Variants in MRM1 observed in about 807,000 individuals in gnomAD.
The protein encoded by MRM1 is rRNA methyltransferase 1, mitochondrial.
MRM1 carries 24 observed loss-of-function variants against 25.0 expected under a neutral mutation model. The observed-to-expected ratio is 0.96, with a 90% CI of 0.69 to 1.35. The LOEUF is 1.35. MRM1 is among the 40% of genes most tolerant of loss of function. MRM1 has a pLI of 0.00. For missense variants in MRM1, 431 were observed against 464.1 expected (o/e 0.93, Z 0.65); for synonymous variants, 188 against 199.2 (o/e 0.94, Z 0.47).
In MRM1 at chr17:36,604,778, C is replaced by A. The variant is rs142385842; in HGVS notation, c.636+2132C>A. On this transcript the variant is annotated intron_variant, in intron 2 of 4. Coordinates refer to ENST00000614766, the MANE Select transcript of MRM1 (RefSeq NM_024864.5). ...CCGAGATTGTGCCACTGCACTCCAG[C>A]CTGAGTGACAGAGTGACGTGTCAAA... Among the ~76,000 whole-genome samples, 876 of 151,118 alleles carry A rather than the reference C, an allele frequency of 5.8e-3. 5 individuals carry two copies. The highest frequency in any genetic ancestry group is 0.02 in the African/African-American group (841 of 41,078).
the MRM1 span, among the ~76,000 whole-genome samples, chr17:36,615,563 G>A: frequency 6.6e-6 from 1 of 152,098 alleles, no homozygotes; most frequent in South Asian, 2.1e-4. Flanking sequence ...GGAGGCTGAG[G>A]CAGGAGAATC....
the MRM1 span, among the ~76,000 whole-genome samples, chr17:36,622,153 G>A: frequency 6.6e-6 from 1 of 152,156 alleles, no homozygotes; most frequent in Non-Finnish European, 1.5e-5. Context: ...GGGGCCAGAG[G>A]CTGGGCTGGG....
At chr17:36,623,194 C>T in the MRM1 span, among the ~76,000 whole-genome samples, 19 of 152,276 alleles carry the variant, frequency 1.2e-4, no homozygotes, top group Admixed American at 9.2e-4. Context: ...AGCAGCCCTT[C>T]GGATTCCAGG....
At chr17:36,629,020 G>A in the MRM1 span, among the ~76,000 whole-genome samples, 195 of 152,222 alleles carry the variant, frequency 1.3e-3, 2 homozygotes, top group East Asian at 0.018. Context: ...TCATGCACAC[G>A]GTGGGGCCTC....
At chr17:36,628,092 T>C in the MRM1 span, among the ~76,000 whole-genome samples, 6 of 152,356 alleles carry the variant, frequency 3.9e-5, no homozygotes, top group South Asian at 4.1e-4. Flanking sequence ...ATGCCCTCTC[T>C]CTAATCCCTT....
intron 2 of MRM1, among the ~76,000 whole-genome samples, chr17:36,604,472 C>T (rs1469313435): frequency 6.6e-6 from 1 of 152,146 alleles, no homozygotes; most frequent in Non-Finnish European, 1.5e-5. Flanking sequence ...ATTAGCATTT[C>T]CCAGATTTTA....
At chr17:36,613,627 G>A (rs997516183), downstream of MRM1, among the ~76,000 whole-genome samples, 4 of 152,182 alleles carry the variant, frequency 2.6e-5, no homozygotes, top group East Asian at 3.9e-4. Context: ...ATGTGGAAGC[G>A]GAGAGCAGGG....
At chr17:36,624,824 G>A in the MRM1 span, among the ~76,000 whole-genome samples, 2 of 152,150 alleles carry the variant, frequency 1.3e-5, no homozygotes, top group Middle Eastern at 3.2e-3. This position sits in a 1 kb window ranked among gnomAD's most constrained non-coding sequence, Gnocchi z 4.0. Flanking sequence ...CGCAGGAAAC[G>A]GCTAGGAACT....
rs2074881396 is a variant in MRM1, at chr17:36,602,221, G to A, written c.411G>A (p.Ala137=). The A allele has an allele frequency of 6.2e-7, 1 of 1,610,510 alleles. No individual in the cohort carries two copies. Among genetic ancestry groups the A allele is most frequent in the Non-Finnish European group, 8.5e-7 (1 of 1,177,952 alleles). The stretch of plus-strand genomic sequence containing the variant: ...GGCCTTGGAGAGAGGCCGGGGAGGC[G>A]AGCCCAGGCGACGACCCCCAGCAGT... ...RPRPWREAGE[A]SPGDDPQQLW... is the part of the protein sequence containing the mutation. Residue 137 remains alanine, a synonymous_variant, in exon 1 of 5, where the codon GCG becomes GCA. Coordinates refer to ENST00000614766, the MANE Select transcript of MRM1 (RefSeq NM_024864.5). This position sits in a 1 kb window ranked among gnomAD's most constrained non-coding sequence, Gnocchi z 4.1.
the MRM1 span, among the ~76,000 whole-genome samples, chr17:36,626,928 C>A: frequency 6.6e-6 from 1 of 152,178 alleles, no homozygotes; most frequent in South Asian, 2.1e-4. Context: ...GACTCTGAGG[C>A]AAATGTAAAT....
chr17:36,610,467 C>A (rs940316700), downstream of MRM1, among the ~76,000 whole-genome samples: 2 of 151,978 alleles, frequency 1.3e-5, no homozygotes, highest in Non-Finnish European at 2.9e-5. Context: ...CTCCTGACCT[C>A]GTGATTCACC....
At chr17:36,607,454 CA>C (rs35964238) in intron 2 of MRM1, among the ~76,000 whole-genome samples, 43 of 146,598 alleles carry the variant, frequency 2.9e-4, no homozygotes, top group Non-Finnish European at 3.9e-4. Flanking sequence ...AACCTCATCT[CA>C]AAAAAAAAAA....
In MRM1 at chr17:36,602,184, C is replaced by T. The variant is rs1411824489; in HGVS notation, c.374C>T (p.Pro125Leu). ...CAGGGTGTCTGCATGGAGGTGAGCC[C>T]GCTGCGGCCCCGGCCTTGGAGAGAG... The part of the protein sequence containing the change: ...VHQGVCMEVS[P>L]LRPRPWREAG... The change falls in exon 1 of 5, where the codon CCG becomes CTG. Residue 125 changes from proline (P) to leucine (L), a missense_variant. Pro to Leu is a moderately conservative substitution (Grantham distance 98, BLOSUM62 -3). Coordinates refer to ENST00000614766, the MANE Select transcript of MRM1 (RefSeq NM_024864.5). This position sits in a 1 kb window ranked among gnomAD's most constrained non-coding sequence, Gnocchi z 4.1. 6.2e-7 allele frequency: 1 copy of T among 1,611,222 alleles called. No homozygotes were observed. Among genetic ancestry groups the T allele is most frequent in the Non-Finnish European group, 8.5e-7 (1 of 1,178,460 alleles).
At chr17:36,606,137 T>C (rs1470808895) in intron 2 of MRM1, among the ~76,000 whole-genome samples, 1 of 152,178 alleles carries the variant, frequency 6.6e-6, no homozygotes, top group Non-Finnish European at 1.5e-5. Context: ...CTTGCTGATC[T>C]CTCTGCCTAG....
the MRM1 span, among the ~76,000 whole-genome samples, chr17:36,618,285 T>C: frequency 6.6e-6 from 1 of 152,048 alleles, no homozygotes; most frequent in Non-Finnish European, 1.5e-5. Flanking sequence ...ATTCATCAAG[T>C]ATTTATTGAG....
At chr17:36,621,408 G>A in the MRM1 span, among the ~76,000 whole-genome samples, 4 of 152,080 alleles carry the variant, frequency 2.6e-5, no homozygotes, top group Non-Finnish European at 4.4e-5. Context: ...GCTAAGTGAC[G>A]GCCTGACACT....
chr17:36,622,133 T>A, the MRM1 span, among the ~76,000 whole-genome samples: 1 of 152,064 alleles, frequency 6.6e-6, no homozygotes, highest in East Asian at 1.9e-4. Flanking sequence ...GATATGATTC[T>A]CCTCCACCAG....
chr17:36,631,957 G>A, the MRM1 span, among the ~76,000 whole-genome samples: 1 of 152,106 alleles, frequency 6.6e-6, no homozygotes, highest in Non-Finnish European at 1.5e-5. Context: ...CCCCTTTCCT[G>A]TTAGTCTTAA....
chr17:36,631,754 G>A, the MRM1 span, among the ~76,000 whole-genome samples: 2 of 152,174 alleles, frequency 1.3e-5, no homozygotes, highest in African/African-American at 4.8e-5. Context: ...TGGAGATGAG[G>A]GCCAGGCTGA....
Sources: allele counts gnomAD v4.1 joint callset (sites outside exome capture counted in the v4.1 genomes callset), GRCh38; gene constraint gnomAD v4.1.1; non-coding constraint Gnocchi (gnomAD v3.1); transcripts MANE v1.5; gene names NCBI Gene and HGNC (gene_info 2026-07-23, HGNC 2026-07-21).